ENO4: variants seen among roughly 807,000 people sequenced by gnomAD.
ENO4 encodes 2-phospho-D-glycerate hydro-lyase.
ENO4 carries 53 observed loss-of-function variants against 63.2 expected under a neutral mutation model. The ratio of observed to expected loss-of-function variants is 0.84; its 90% CI spans 0.67 to 1.05. The LOEUF is 1.05. ENO4 is among the 50% of genes least tolerant of loss of function. The pLI, the probability that ENO4 is intolerant of heterozygous loss-of-function variation, is 0.00. For missense variants in ENO4, 719 were observed against 772.0 expected (o/e 0.93, Z 0.81); for synonymous variants, 266 against 283.8 (o/e 0.94, Z 0.63).
intron 7 of ENO4, among the ~76,000 whole-genome samples, chr10:116,867,419 A>G (rs1175193500): frequency 1.8e-5 from 1 of 55,558 alleles, no homozygotes; most frequent in African/African-American, 4.6e-5. Context: ...AAAAATATTT[A>G]CCAAAAAAAA....
At chr10:116,908,325 T>A (rs1848053125) in intron 10 of ENO4, among the ~76,000 whole-genome samples, 1 of 152,204 alleles carries the variant, frequency 6.6e-6, no homozygotes, top group South Asian at 2.1e-4. Flanking sequence ...ACATCACATG[T>A]AACACTATAA....
In ENO4 at chr10:116,882,221, C is replaced by T. The variant is rs1242395535; in HGVS notation, c.*552C>T. The T allele has an allele frequency of 6.6e-6, 1 of 151,670 alleles. No homozygotes were observed. The highest frequency in any genetic ancestry group is 2.4e-5 in the African/African-American group (1 of 41,004). 9.4% of individuals were successfully genotyped at this position (151,670 alleles called of 1,614,324 possible). On this transcript the variant is annotated 3_prime_UTR_variant, in exon 14 of 14. Coordinates refer to ENST00000341276, the MANE Select transcript of ENO4 (RefSeq NM_001242699.2). ...ATTCCTTTTTTCCTAATTCCCTCTC[C>T]TTTTTAAATTTTAGTTTTTCTTGTA...
At chr10:116,880,312 A>G (rs1200650602) in intron 13 of ENO4, among the ~76,000 whole-genome samples, 1 of 152,222 alleles carries the variant, frequency 6.6e-6, no homozygotes, top group East Asian at 1.9e-4. Flanking sequence ...ACAGCCCATG[A>G]AAGTTAAAGG....
chr10:116,895,010 A>C (rs896346786), intron 10 of ENO4, among the ~76,000 whole-genome samples: 1 of 152,218 alleles, frequency 6.6e-6, no homozygotes, highest in Admixed American at 6.5e-5. Context: ...CAATGGATAA[A>C]CACAAACTCA....
rs1027748544 is a variant in ENO4 at position 116,901,445 on chromosome 10, T to C, written c.1195-10054T>C. On this transcript the variant is annotated intron_variant, in intron 10 of 10. Transcript: ENST00000369207. ...ATGAACCATTAAGAGGGATGATCGA[T>C]GTATTTAATCTTGAAAGACTGATTG... 6.1e-6 allele frequency: 6 copies of C among 985,350 alleles called. No individual in the cohort carries two copies. In the African/African-American group the frequency reaches 8.7e-5, roughly 14 times the overall value. 61.0% of individuals were successfully genotyped at this position (985,350 alleles called of 1,614,324 possible). A position where few individuals can be genotyped will look rare whatever the true frequency, so the allele number is the denominator to read the frequency against.
chr10:116,887,136 C>T (rs138511542), downstream of ENO4, among the ~76,000 whole-genome samples: 6 of 152,164 alleles, frequency 3.9e-5, no homozygotes, highest in African/African-American at 7.2e-5. Context: ...GGACCAAGGG[C>T]GGAGAGAGAG....
At chr10:116,900,838 A>C (rs1847704020) in intron 10 of ENO4, 1 of 985,388 alleles carries the variant, frequency 1.0e-6, no homozygotes, top group Non-Finnish European at 1.2e-6. Flanking sequence ...TCAGCAAAGA[A>C]GGCCATTCAT....
At chr10:116,906,716 C>T in intron 10 of ENO4, 2 of 1,612,598 alleles carry the variant, frequency 1.2e-6, no homozygotes, top group South Asian at 1.1e-5. Context: ...GGATTTTAAG[C>T]TTCTTGAACT....
intron 10 of ENO4, among the ~76,000 whole-genome samples, chr10:116,902,166 T>C (rs142380330): frequency 1.5e-4 from 23 of 152,292 alleles, no homozygotes; most frequent in East Asian, 1.2e-3. Context: ...CGCTGAGAAA[T>C]TGTGTACAGA....
intron 7 of ENO4, among the ~76,000 whole-genome samples, chr10:116,865,436 C>A (rs1339761909): frequency 6.6e-6 from 1 of 152,140 alleles, no homozygotes; most frequent in Non-Finnish European, 1.5e-5. Flanking sequence ...CCGCCCGCCT[C>A]GGCCTCCCAA....
intron 10 of ENO4, among the ~76,000 whole-genome samples, chr10:116,903,507 A>G (rs965165262): frequency 2.0e-5 from 3 of 152,040 alleles, no homozygotes; most frequent in South Asian, 4.2e-4. Flanking sequence ...CCTGGGCGAC[A>G]AGAGAGACTT....
chr10:116,890,265 G>A (rs1444803448), intron 10 of ENO4, among the ~76,000 whole-genome samples: 1 of 152,162 alleles, frequency 6.6e-6, no homozygotes, highest in Non-Finnish European at 1.5e-5. Flanking sequence ...TCTCCTGCAT[G>A]CCACAAAATC....
At chr10:116,901,128 A>G in intron 10 of ENO4, 2 of 985,410 alleles carry the variant, frequency 2.0e-6, no homozygotes, top group Non-Finnish European at 2.4e-6. Flanking sequence ...TCCTGGCAAG[A>G]GAACTAAAGC....
At chr10:116,868,868 T>C (rs961947253) in intron 8 of ENO4, among the ~76,000 whole-genome samples, 162 bp downstream of exon 8, 4 of 152,126 alleles carry the variant, frequency 2.6e-5, no homozygotes, top group Admixed American at 2.0e-4. Flanking sequence ...TGCAGTATCA[T>C]GCTGCCCCTG....
Position 116,888,596 on chromosome 10 carries a change from A to G in ENO4, c.1194+8610A>G, listed in dbSNP as rs143335311. Among the ~76,000 whole-genome samples, 948 of 152,336 alleles carry G rather than the reference A, an allele frequency of 6.2e-3. 5 individuals are homozygous for G. The highest frequency in any genetic ancestry group is 0.021 in the Admixed American group (320 of 15,304). ...ATCTTGATGATGCAAGACAATCTGC[A>G]GAATAAGCAGGAGCCTTCCCCAAGG... On this transcript the variant is annotated intron_variant, in intron 10 of 10. Transcript: ENST00000369207.
chr10:116,879,153 T>C (rs1396784042), intron 11 of ENO4, 138 bp from the exon 12 acceptor site: 1 of 604,008 alleles, frequency 1.7e-6, no homozygotes, highest in East Asian at 2.9e-5. Context: ...AATGCAAACG[T>C]TAGAATCCTA....
chr10:116,904,803 T>C (rs1847894781), intron 10 of ENO4, among the ~76,000 whole-genome samples: 1 of 152,180 alleles, frequency 6.6e-6, no homozygotes, highest in African/African-American at 2.4e-5. Context: ...TTGACCAAAT[T>C]TGTGAGTGAA....
chr10:116,904,142 T>C lies in ENO4; in HGVS notation c.1195-7357T>C, dbSNP rs1227399720. Among the ~76,000 whole-genome samples, 4 of 152,340 alleles carry C rather than the reference T, an allele frequency of 2.6e-5. No homozygotes were observed. In the East Asian group the frequency reaches 7.7e-4, roughly 29 times the overall value. On this transcript the variant is annotated intron_variant, in intron 10 of 10. Coordinates refer to the ENO4 transcript ENST00000369207. ...TCTCTACTTGTGACTTCACATTTAC[T>C]TTCCCAAAAGCCTTTCTAGGCAGAA...
intron 10 of ENO4, among the ~76,000 whole-genome samples, chr10:116,893,597 C>CACACACACACACACACACACA (rs3981216): frequency 4.0e-5 from 6 of 151,340 alleles, no homozygotes; most frequent in Non-Finnish European, 5.9e-5. Flanking sequence ...CACACACACA[C>CACACACACACACACACACACA]GAGAAAGAAA....
Sources: allele counts gnomAD v4.1 joint callset (sites outside exome capture counted in the v4.1 genomes callset), GRCh38; gene constraint gnomAD v4.1.1; transcripts MANE v1.5; gene names NCBI Gene and HGNC (gene_info 2026-07-23, HGNC 2026-07-21).